The following ARMH3 variants were observed in gnomAD, a reference collection of about 807,000 sequenced individuals.
ARMH3 encodes the protein armadillo like helical domain containing 3.
In ARMH3, 60 loss-of-function variants were observed where a neutral mutation model predicts 99.1. That is an observed-to-expected ratio of 0.61 (90% CI 0.49 to 0.75). The LOEUF is 0.75. Among genes scored for constraint, ARMH3 ranks in the 30% least tolerant of loss-of-function variants. The pLI is 0.00. For missense variants in ARMH3, 679 were observed against 843.1 expected (o/e 0.81, Z 2.41); for synonymous variants, 285 against 292.8 (o/e 0.97, Z 0.27).
intron 24 of ARMH3, among the ~76,000 whole-genome samples, chr10:101,868,402 T>G (rs1046948202): frequency 6.6e-6 from 1 of 152,190 alleles, no homozygotes; most frequent in Non-Finnish European, 1.5e-5. Context: ...TGGTACCATA[T>G]AGCAACATTT....
chr10:102,053,699 G>A (rs1256179317), intron 1 of ARMH3, among the ~76,000 whole-genome samples: 7 of 147,264 alleles, frequency 4.8e-5, no homozygotes, highest in African/African-American at 7.6e-5. Flanking sequence ...TCGCTCTGTC[G>A]CCCAGGCTGG....
chr10:101,905,381 T>C (rs1209924677), intron 23 of ARMH3, among the ~76,000 whole-genome samples: 1 of 152,190 alleles, frequency 6.6e-6, no homozygotes, highest in Non-Finnish European at 1.5e-5. Flanking sequence ...CATTTAGTGA[T>C]GGACAGACAT....
intron 1 of ARMH3, among the ~76,000 whole-genome samples, chr10:102,055,745 T>C (rs986333772): frequency 1.3e-5 from 2 of 152,140 alleles, no homozygotes; most frequent in Non-Finnish European, 2.9e-5. Flanking sequence ...GAGGAAGCTC[T>C]CGGGGCAGCT....
intron 20 of ARMH3, among the ~76,000 whole-genome samples, chr10:101,973,234 T>C (rs886071462): frequency 6.6e-6 from 1 of 151,366 alleles, no homozygotes; most frequent in Non-Finnish European, 1.5e-5. Context: ...TGGTGGTGGG[T>C]GCCTGTAGTC....
Position 102,040,083 on chromosome 10 carries a change from A to G in ARMH3, c.32T>C (p.Leu11Pro). ...TTTTTTGGAGGCTGAAGATTTCCGG[A>G]GCAAACCTCCACGTTTCTCTACCTG... MAQVEKRGGLLRKSSASKKPL... is the reference protein window; with the variant it reads MAQVEKRGGLPRKSSASKKPL... Residue 11 changes from leucine to proline, a missense_variant, in exon 2 of 26, where the codon CTC becomes CCC. Around this residue, in one of 3 missense-constraint regions of ARMH3, gnomAD observed 280 missense variants for 354.6 expected, o/e 0.79. Coordinates refer to ENST00000370033, the MANE Select transcript of ARMH3 (RefSeq NM_024541.3). The G allele has an allele frequency of 3.1e-6, 5 of 1,614,194 alleles. No homozygotes were observed. The highest frequency in any genetic ancestry group is 4.2e-6 in the Non-Finnish European group (5 of 1,180,024).
At chr10:101,974,480 C>T (rs1313965031) in intron 20 of ARMH3, among the ~76,000 whole-genome samples, 1 of 152,196 alleles carries the variant, frequency 6.6e-6, no homozygotes, top group African/African-American at 2.4e-5. Context: ...TAGCAAGCAA[C>T]TGCCTCAGGG....
intron 22 of ARMH3, among the ~76,000 whole-genome samples, chr10:101,954,448 C>A: frequency 6.6e-6 from 1 of 152,280 alleles, no homozygotes; most frequent in South Asian, 2.1e-4. Flanking sequence ...AAGGTTATAT[C>A]ATTCCATCTA....
chr10:101,943,015 A>G (rs191966032), intron 22 of ARMH3, among the ~76,000 whole-genome samples: 1 of 152,330 alleles, frequency 6.6e-6, no homozygotes, highest in East Asian at 1.9e-4. Flanking sequence ...GATCCCCTAA[A>G]AGGAGGAAAA....
At chr10:102,050,476 A>G (rs1316155303) in intron 1 of ARMH3, among the ~76,000 whole-genome samples, 1 of 152,040 alleles carries the variant, frequency 6.6e-6, no homozygotes, top group Admixed American at 6.6e-5. Flanking sequence ...AAATACATAC[A>G]TACATAAATA....
At chr10:101,971,365 G>A (rs1379357438) in intron 20 of ARMH3, among the ~76,000 whole-genome samples, 1 of 151,970 alleles carries the variant, frequency 6.6e-6, no homozygotes, top group Non-Finnish European at 1.5e-5. Flanking sequence ...GATCACCTAA[G>A]GTCAGAAATT....
At position 101,993,533 on chromosome 10, in the gene ARMH3, C is replaced by T. The variant is rs1451452000; in HGVS notation, c.1275+5G>A. 2 of 1,589,010 alleles carry T rather than the reference C, an allele frequency of 1.3e-6. No individual in the cohort carries two copies. The highest frequency in any genetic ancestry group is 1.4e-5 in the African/African-American group (1 of 73,718). On this transcript the variant is annotated splice_donor_5th_base_variant and intron_variant, in intron 17 of 25. Transcript: ENST00000370033. The stretch of plus-strand genomic sequence containing the variant: ...GAAAAAACAAGAAGCAAAAGAAACA[C>T]CTACCATTCTATGTAAGTTTACTCG...
chr10:101,873,238 C>A (rs1269112152), intron 24 of ARMH3, among the ~76,000 whole-genome samples: 2 of 148,252 alleles, frequency 1.3e-5, no homozygotes, highest in African/African-American at 2.5e-5. Context: ...CCCGTCTCTA[C>A]TAAAAATACA....
At chr10:101,893,543 C>A (rs754090226) in intron 23 of ARMH3, among the ~76,000 whole-genome samples, 2 of 151,932 alleles carry the variant, frequency 1.3e-5, no homozygotes, top group Non-Finnish European at 2.9e-5. Flanking sequence ...CCGGGGCAAC[C>A]CAGTGGAGCT....
chr10:101,945,362 A>G (rs1844468082), intron 22 of ARMH3, among the ~76,000 whole-genome samples: 1 of 152,120 alleles, frequency 6.6e-6, no homozygotes, highest in East Asian at 1.9e-4. Flanking sequence ...AGGGTAGATC[A>G]CTTGAGTCCA....
chr10:102,050,120 G>T, intron 1 of ARMH3, among the ~76,000 whole-genome samples: 1 of 151,930 alleles, frequency 6.6e-6, no homozygotes, highest in Non-Finnish European at 1.5e-5. Flanking sequence ...TCCAGCCTGG[G>T]CGATAGAGCC....
rs186220502 is a variant in ARMH3, at chr10:101,870,947, C to A, written c.1860+18465G>T. Reference sequence around the variant, plus strand: ...AGAGTAAGACCCTGTCTCAAAAAAACCCAAACAACAAACAAACAACCAAAA... The same window carrying A: ...AGAGTAAGACCCTGTCTCAAAAAAAACCAAACAACAAACAAACAACCAAAA... On this transcript the variant is annotated intron_variant, in intron 24 of 25. Coordinates refer to ENST00000370033, the MANE Select transcript of ARMH3 (RefSeq NM_024541.3). Among the ~76,000 whole-genome samples, 1,299 of 151,908 alleles carry A rather than the reference C, an allele frequency of 8.6e-3. 6 individuals carry two copies. Among genetic ancestry groups the A allele is most frequent in the Non-Finnish European group, 0.011 (766 of 67,936 alleles).
At chr10:102,037,187 T>C (rs1369500771) in intron 2 of ARMH3, among the ~76,000 whole-genome samples, 1 of 150,244 alleles carries the variant, frequency 6.7e-6, no homozygotes, top group Non-Finnish European at 1.5e-5. Context: ...TGTTTTCTTT[T>C]TTTTTTTTTT....
intron 23 of ARMH3, among the ~76,000 whole-genome samples, chr10:101,938,565 T>C (rs2135709623): frequency 6.6e-6 from 1 of 152,314 alleles, no homozygotes; most frequent in Non-Finnish European, 1.5e-5. Context: ...CAACACAACA[T>C]AAATTATACC....
At chr10:101,926,242 C>T (rs1250043496) in intron 23 of ARMH3, among the ~76,000 whole-genome samples, 1 of 152,112 alleles carries the variant, frequency 6.6e-6, no homozygotes, top group African/African-American at 2.4e-5. Flanking sequence ...GGCTGGAGTA[C>T]AGTGGTGTGA....
Sources: gnomAD v4.1 joint callset for allele counts (sites outside exome capture counted in the v4.1 genomes callset) on GRCh38, gnomAD v4.1.1 for gene constraint, gnomAD v4.1.1 regional missense constraint, MANE v1.5 for transcripts, NCBI Gene and HGNC (gene_info 2026-07-23, HGNC 2026-07-21) for gene names.